The following DPP6 variants were observed in gnomAD, a reference collection of about 807,000 sequenced individuals.
DPP6 encodes the protein A-type potassium channel modulatory protein DPP6.
A neutral mutation model predicts 122.6 loss-of-function variants in DPP6; 69 were observed. That is an observed-to-expected ratio of 0.56 (90% CI 0.46 to 0.69). DPP6 has a LOEUF of 0.69. DPP6 is among the 30% of genes least tolerant of loss of function. DPP6 has a pLI of 0.00. For missense variants in DPP6, 928 were observed against 1,116.9 expected (o/e 0.83, Z 2.41); for synonymous variants, 418 against 433.1 (o/e 0.97, Z 0.43).
chr7:154,077,827 T>C (rs1241639404), intron 1 of DPP6, among the ~76,000 whole-genome samples: 1 of 151,840 alleles, frequency 6.6e-6, no homozygotes, highest in African/African-American at 2.4e-5. Context: ...CGCATCACCA[T>C]GCCCAGCTAA....
chr7:153,963,514 A>G (rs1179097922), intron 1 of DPP6, among the ~76,000 whole-genome samples: 2 of 149,310 alleles, frequency 1.3e-5, no homozygotes, highest in Non-Finnish European at 3.0e-5. Context: ...TCTTTCCTGT[A>G]AAGCAGAAGT....
intron 1 of DPP6, among the ~76,000 whole-genome samples, chr7:154,265,078 G>GGTGATA (rs1563387838): frequency 0.22 from 477 of 2,206 alleles, 52 homozygotes; most frequent in African/African-American, 0.27. Flanking sequence ...TAATGGTGAT[G>GGTGATA]ATGATGGTGA....
At chr7:153,891,094 T>C (rs1195784904) in intron 1 of DPP6, among the ~76,000 whole-genome samples, 1 of 145,312 alleles carries the variant, frequency 6.9e-6, no homozygotes, top group African/African-American at 2.6e-5. Context: ...CTATCTCGGC[T>C]CACTGCAAGC....
intron 10 of DPP6, among the ~76,000 whole-genome samples, chr7:154,778,614 A>G (rs112084411): frequency 1.7e-3 from 244 of 147,816 alleles, no homozygotes; most frequent in African/African-American, 5.8e-3. Flanking sequence ...AACCTTCACC[A>G]CCTATACAAC....
chr7:154,721,137 C>T (rs1841782396), intron 7 of DPP6, among the ~76,000 whole-genome samples: 1 of 152,228 alleles, frequency 6.6e-6, no homozygotes, highest in Non-Finnish European at 1.5e-5. Context: ...TGGTCTGGTG[C>T]ATTTTTGGTT....
rs912361296 is a variant in DPP6, at chr7:154,057,976, A to G, written c.243+4913A>G. 20 of 150,858 alleles carry G rather than the reference A, an allele frequency of 1.3e-4. 3 individuals carry two copies. Among genetic ancestry groups the G allele is most frequent in the African/African-American group, 4.9e-4 (20 of 40,408 alleles). 9.3% of individuals were successfully genotyped at this position (150,858 alleles called of 1,614,324 possible). A position where few individuals can be genotyped will look rare whatever the true frequency, so the allele number is the denominator to read the frequency against. On this transcript the variant is annotated intron_variant, in intron 1 of 25. Coordinates refer to ENST00000377770, the MANE Select transcript of DPP6 (RefSeq NM_130797.4). ...ACTGCCCTGCTAGTACAAGAAGCAA[A>G]TAAGCTGATTCTTGGGCAAAACCTG...
At chr7:154,051,455 G>A (rs542463352), upstream of DPP6, among the ~76,000 whole-genome samples, 111 of 151,184 alleles carry the variant, frequency 7.3e-4, no homozygotes, top group African/African-American at 2.4e-3. Context: ...GGGCCGGGAG[G>A]GGAAGAGAAG....
intron 7 of DPP6, among the ~76,000 whole-genome samples, chr7:154,713,454 CA>C (rs1335568591): frequency 5.3e-5 from 8 of 152,258 alleles, no homozygotes; most frequent in Non-Finnish European, 8.8e-5. Context: ...ACCTCTGCAG[CA>C]AACTTCTACC....
chr7:154,788,408 C>A (rs1039430048), intron 10 of DPP6, among the ~76,000 whole-genome samples: 24 of 150,208 alleles, frequency 1.6e-4, no homozygotes, highest in Admixed American at 6.6e-5. Context: ...CGTGCCACTG[C>A]ACTCTAGCCT....
At chr7:154,321,434 AT>A (rs112952718) in intron 1 of DPP6, among the ~76,000 whole-genome samples, 36 of 152,006 alleles carry the variant, frequency 2.4e-4, no homozygotes, top group Admixed American at 5.9e-4. Flanking sequence ...CATCACGGAG[AT>A]TTTTCACCCT....
At chr7:153,973,854 A>G (rs28703306) in intron 1 of DPP6, among the ~76,000 whole-genome samples, 6,706 of 126,034 alleles carry the variant, frequency 0.053, 291 homozygotes, top group African/African-American at 0.09. Flanking sequence ...CATTTTTAGT[A>G]TAGAAGCTGC....
chr7:154,417,698 A>C (rs532657800), intron 1 of DPP6, among the ~76,000 whole-genome samples: 1 of 152,050 alleles, frequency 6.6e-6, no homozygotes, highest in South Asian at 2.1e-4. Context: ...CAAGTCAGTT[A>C]CTCTGTCCTT....
At chr7:154,298,919 C>T (rs1159121745) in intron 1 of DPP6, among the ~76,000 whole-genome samples, 1 of 152,186 alleles carries the variant, frequency 6.6e-6, no homozygotes, top group African/African-American at 2.4e-5. Context: ...GCGTTCTCAT[C>T]CGCGAGACCC....
At chr7:154,033,311 A>T (rs1799354318) in intron 1 of DPP6, among the ~76,000 whole-genome samples, 1 of 152,174 alleles carries the variant, frequency 6.6e-6, no homozygotes, top group South Asian at 2.1e-4. Flanking sequence ...ATCTGTGGTT[A>T]AGACAGTGTT....
upstream of DPP6, among the ~76,000 whole-genome samples, chr7:153,882,814 A>T (rs1474137090): frequency 6.6e-6 from 1 of 152,158 alleles, no homozygotes; most frequent in African/African-American, 2.4e-5. Context: ...GGTGCTGAAA[A>T]ACACGGCAGA....
the DPP6 span, among the ~76,000 whole-genome samples, chr7:153,871,068 A>T: frequency 6.6e-6 from 1 of 152,106 alleles, no homozygotes; most frequent in African/African-American, 2.4e-5. Flanking sequence ...CTCCTAGGGG[A>T]TGCCTCCCAG....
chr7:154,612,881 T>C (rs919582397), intron 5 of DPP6, among the ~76,000 whole-genome samples: 2 of 151,966 alleles, frequency 1.3e-5, no homozygotes, highest in African/African-American at 4.8e-5. Context: ...TGGGCTACTG[T>C]AACAAATTAC....
At chr7:154,471,272 A>G (rs1418544438) in intron 2 of DPP6, among the ~76,000 whole-genome samples, 1 of 152,176 alleles carries the variant, frequency 6.6e-6, no homozygotes, top group African/African-American at 2.4e-5. Context: ...AAACAAAAGC[A>G]TAGCTGCTTC....
intron 3 of DPP6, among the ~76,000 whole-genome samples, chr7:154,491,514 T>A (rs1261364056): frequency 6.6e-6 from 1 of 152,170 alleles, no homozygotes; most frequent in African/African-American, 2.4e-5. Context: ...CCGCCCCTTG[T>A]TCTCTTCCCA....
Sources: allele counts gnomAD v4.1 joint callset (sites outside exome capture counted in the v4.1 genomes callset), GRCh38; gene constraint gnomAD v4.1.1; transcripts MANE v1.5; gene names NCBI Gene and HGNC (gene_info 2026-07-23, HGNC 2026-07-21).